CSF1R: variants seen among roughly 807,000 people sequenced by gnomAD.
CSF1R encodes the protein macrophage colony-stimulating factor 1 receptor.
Under a neutral mutation model 110.0 loss-of-function variants are expected in CSF1R, and 40 were observed. The ratio of observed to expected loss-of-function variants is 0.36; its 90% CI spans 0.28 to 0.47. The LOEUF is 0.47. Ranked by LOEUF, CSF1R falls within the 20% of genes least tolerant of loss-of-function variation. The pLI, the probability that CSF1R is intolerant of heterozygous loss-of-function variation, is 0.99. For missense variants in CSF1R, 1,052 were observed against 1,253.0 expected, an observed-to-expected ratio of 0.84 and a Z score of 2.42; for synonymous variants, 523 against 503.4, an observed-to-expected ratio of 1.04 and a Z score of -0.52.
intron 1 of CSF1R, among the ~76,000 whole-genome samples, chr5:150,098,889 A>ATTTT (rs571440671): frequency 5.3e-5 from 7 of 133,054 alleles, no homozygotes; most frequent in Admixed American, 7.8e-5. Context: ...AATACAAACA[A>ATTTT]CTTTTTTTTT....
intron 6 of CSF1R, among the ~76,000 whole-genome samples, chr5:150,071,408 T>C (rs1758025822): frequency 6.6e-6 from 1 of 152,210 alleles, no homozygotes. Context: ...TTAAAAATTA[T>C]AGCAAATGGC....
chr5:150,077,241 C>G (rs2113823608), intron 5 of CSF1R, 35 bp downstream of exon 5: 2 of 1,613,830 alleles, frequency 1.2e-6, no homozygotes, highest in South Asian at 1.1e-5. Context: ...CCTGCAGGAT[C>G]CCTACCGACT....
At chr5:150,083,349 A>AACACAC (rs59055324) in intron 1 of CSF1R, among the ~76,000 whole-genome samples, 4,252 of 106,296 alleles carry the variant, frequency 0.04, 149 homozygotes, top group African/African-American at 0.065. Context: ...CTTCTCTCCC[A>AACACAC]ACACACACAC....
At position 150,061,495 on chromosome 5, in the gene CSF1R, C is replaced by A. The variant is rs1442029514; in HGVS notation, c.1854G>T (p.Leu618=). 3 of 1,325,178 alleles carry A rather than the reference C, an allele frequency of 2.3e-6. No individual in the cohort carries two copies. Among genetic ancestry groups the A allele is most frequent in the South Asian group, 1.2e-5 (1 of 86,462 alleles). 82.1% of individuals were successfully genotyped at this position (1,325,178 alleles called of 1,614,324 possible). A position where few individuals can be genotyped will look rare whatever the true frequency, so the allele number is the denominator to read the frequency against. ...DAVLKVAVKM[L]KSTAHADEKE... is the part of the protein sequence containing the mutation. ...TCATCCCCTCCCCTCACTCACACTT[C>A]AGCATCTTCACAGCCACCTTCAGGA... is the stretch of plus-strand genomic sequence containing the variant. The change falls in exon 12 of 21, where the codon CTG becomes CTT. Residue 618 remains leucine (L), a synonymous_variant. Transcript: ENST00000675795.
intron 1 of CSF1R, chr5:150,094,292 G>A (rs1163054053): frequency 2.3e-5 from 35 of 1,536,410 alleles, no homozygotes; most frequent in African/African-American, 7.0e-5. Context: ...TTTTTTTTCC[G>A]GCTGGAACCA....
At chr5:150,106,973 C>G (rs972187151) in intron 1 of CSF1R, among the ~76,000 whole-genome samples, 101 of 152,348 alleles carry the variant, frequency 6.6e-4, no homozygotes, top group African/African-American at 2.3e-3. Flanking sequence ...CTTTGTTCTG[C>G]AGCAGGAGTT....
intron 19 of CSF1R, 75 bp from the exon 20 acceptor site, chr5:150,054,505 G>T: frequency 7.9e-7 from 1 of 1,259,678 alleles, no homozygotes; most frequent in Non-Finnish European, 1.1e-6. Context: ...CCCCTAGAGA[G>T]ACCTACCCAG....
At chr5:150,063,832 T>G (rs1360613221) in intron 10 of CSF1R, among the ~76,000 whole-genome samples, 1 of 152,108 alleles carries the variant, frequency 6.6e-6, no homozygotes, top group East Asian at 1.9e-4. Context: ...AGCAACTCTT[T>G]CCGGCCAGGC....
intron 1 of CSF1R, among the ~76,000 whole-genome samples, chr5:150,100,290 CT>C (rs752638971): frequency 0.011 from 992 of 89,254 alleles, 10 homozygotes; most frequent in African/African-American, 0.041. Flanking sequence ...ATTGGCTAAC[CT>C]TTTTTTTTTT....
intron 1 of CSF1R, among the ~76,000 whole-genome samples, chr5:150,100,292 T>TTTTTTC: frequency 8.4e-6 from 1 of 119,116 alleles, no homozygotes; most frequent in African/African-American, 3.5e-5. Context: ...TGGCTAACCT[T>TTTTTTC]TTTTTTTTTT....
chr5:150,068,377 GC>G (rs1474121124), intron 9 of CSF1R, 47 bp from the exon 10 acceptor site: 4 of 1,410,710 alleles, frequency 2.8e-6, no homozygotes, highest in Non-Finnish European at 4.0e-6. Context: ...GTGCCTCCGA[GC>G]CCCCTGAGGT....
chr5:150,107,764 G>A (rs938971014), intron 1 of CSF1R, among the ~76,000 whole-genome samples: 4 of 152,352 alleles, frequency 2.6e-5, no homozygotes, highest in Admixed American at 1.3e-4. Context: ...CCAGGTCCCC[G>A]GCCTTTCAAG....
intron 13 of CSF1R, among the ~76,000 whole-genome samples, chr5:150,060,483 G>A (rs1483766015): frequency 1.3e-5 from 2 of 152,086 alleles, no homozygotes; most frequent in African/African-American, 2.4e-5. Flanking sequence ...AGCAAAGCCC[G>A]GGGCACCTTT....
chr5:150,098,855 G>C (rs1759304442), intron 1 of CSF1R, among the ~76,000 whole-genome samples: 1 of 147,856 alleles, frequency 6.8e-6, no homozygotes, highest in Admixed American at 6.8e-5. Context: ...AAACCTGACA[G>C]TTTCAAGTGC....
intron 1 of CSF1R, among the ~76,000 whole-genome samples, chr5:150,094,000 T>G (rs1242171752): frequency 6.6e-6 from 1 of 151,444 alleles, no homozygotes; most frequent in Non-Finnish European, 1.5e-5. Context: ...GAGGCAGAGG[T>G]TGCAGTGACC....
chr5:150,070,018 AGGGTAT>A lies in CSF1R; in HGVS notation c.1359_1364del (p.Tyr454_Pro455del). ...GGAAGGGCTCCTGGCTCAGGACCTCAGGGTATGGGTCATCCCAGACCTGCAGCACTT... is the reference window on the plus strand; with the variant it reads ...GGAAGGGCTCCTGGCTCAGGACCTCAGGGTCATCCCAGACCTGCAGCACTT... On this transcript the variant is annotated inframe_deletion, in exon 9 of 21. Transcript: ENST00000675795. 2 of 1,614,118 alleles carry A rather than the reference AGGGTAT, an allele frequency of 1.2e-6. No homozygotes were observed. The highest frequency in any genetic ancestry group is 1.7e-6 in the Non-Finnish European group (2 of 1,179,996).
chr5:150,066,654 G>A (rs184424137), intron 10 of CSF1R, among the ~76,000 whole-genome samples: 5 of 152,320 alleles, frequency 3.3e-5, no homozygotes, highest in Non-Finnish European at 4.4e-5. Context: ...TAGAGATCCC[G>A]ATCCATGTGC....
chr5:150,104,841 A>C (rs1388369568), intron 1 of CSF1R, among the ~76,000 whole-genome samples: 2 of 152,018 alleles, frequency 1.3e-5, no homozygotes, highest in African/African-American at 4.8e-5. Flanking sequence ...TCCTGGAAAA[A>C]ATGGCATTTA....
chr5:150,064,411 C>G (rs1413815650), intron 10 of CSF1R, among the ~76,000 whole-genome samples: 1 of 152,218 alleles, frequency 6.6e-6, no homozygotes, highest in East Asian at 1.9e-4. Flanking sequence ...TGAGAAGGAA[C>G]TAACTTCCAG....
Sources: gnomAD v4.1 joint callset for allele counts (sites outside exome capture counted in the v4.1 genomes callset) on GRCh38, gnomAD v4.1.1 for gene constraint, MANE v1.5 for transcripts, NCBI Gene and HGNC (gene_info 2026-07-23, HGNC 2026-07-21) for gene names.